OR2C1: variants seen among roughly 807,000 people sequenced by gnomAD.
The protein encoded by OR2C1 is olfactory receptor 2C1.
For missense variants in OR2C1, 468 were observed against 388.3 expected (o/e 1.21, Z -1.73); for synonymous variants, 209 against 167.3 (o/e 1.25, Z -1.92).
the OR2C1 span, among the ~76,000 whole-genome samples, chr16:3,345,597 AT>A: frequency 6.6e-6 from 1 of 152,196 alleles, no homozygotes; most frequent in Admixed American, 6.5e-5. Flanking sequence ...TTGGATGCAC[AT>A]ATATGTATCA....
the OR2C1 span, among the ~76,000 whole-genome samples, chr16:3,347,841 C>G: frequency 2.2e-5 from 1 of 46,146 alleles, no homozygotes; most frequent in Non-Finnish European, 6.1e-5. Context: ...CACACATACA[C>G]ACATGCACAC....
chr16:3,334,325 AC>A, the OR2C1 span, among the ~76,000 whole-genome samples: 2 of 109,530 alleles, frequency 1.8e-5, no homozygotes, highest in African/African-American at 2.8e-5. Context: ...TTTAGTAGAG[AC>A]GGGGTTTCAC....
the OR2C1 span, among the ~76,000 whole-genome samples, chr16:3,350,708 C>G: frequency 8.8e-4 from 133 of 151,868 alleles, no homozygotes; most frequent in Non-Finnish European, 1.2e-3. Flanking sequence ...ACGTGCCCGG[C>G]CCCAAAGGGA....
chr16:3,348,368 G>C, the OR2C1 span, among the ~76,000 whole-genome samples: 3 of 152,168 alleles, frequency 2.0e-5, no homozygotes, highest in Non-Finnish European at 4.4e-5. Context: ...CCAGTTCCTC[G>C]TAAGTATGGA....
upstream of OR2C1, among the ~76,000 whole-genome samples, chr16:3,352,323 G>A (rs948983921): frequency 7.2e-5 from 11 of 151,994 alleles, no homozygotes; most frequent in African/African-American, 1.7e-4. Flanking sequence ...CACTTTGTTC[G>A]CCAGGATGGT....
chr16:3,328,164 T>C, the OR2C1 span, among the ~76,000 whole-genome samples: 1 of 152,136 alleles, frequency 6.6e-6, no homozygotes, highest in East Asian at 1.9e-4. Flanking sequence ...TAACACCCAG[T>C]GTCCTGATAG....
the OR2C1 span, among the ~76,000 whole-genome samples, chr16:3,338,032 T>C: frequency 6.6e-6 from 1 of 152,180 alleles, no homozygotes; most frequent in South Asian, 2.1e-4. Context: ...TTGCCTTGGC[T>C]CTAGTGAATG....
At chr16:3,350,055 CT>C in the OR2C1 span, among the ~76,000 whole-genome samples, 352 of 102,734 alleles carry the variant, frequency 3.4e-3, 2 homozygotes, top group African/African-American at 0.012. Context: ...AAAAGGGAAT[CT>C]TTTTTTTTTT....
chr16:3,336,971 G>A, the OR2C1 span, among the ~76,000 whole-genome samples: 251 of 152,024 alleles, frequency 1.7e-3, no homozygotes, highest in East Asian at 9.2e-3. Context: ...GCCTCCCAAA[G>A]TGCTGGGATT....
the OR2C1 span, among the ~76,000 whole-genome samples, chr16:3,345,871 G>A: frequency 3.2e-4 from 32 of 99,508 alleles, no homozygotes; most frequent in Admixed American, 4.8e-4. Flanking sequence ...TCTCTCTTTC[G>A]CTTTCAGACT....
chr16:3,338,538 CTT>C, the OR2C1 span, among the ~76,000 whole-genome samples: 10 of 103,280 alleles, frequency 9.7e-5, no homozygotes, highest in South Asian at 3.5e-4. Flanking sequence ...GTATAGGTAC[CTT>C]TTTTTTTTTT....
chr16:3,341,004 AT>A, the OR2C1 span, among the ~76,000 whole-genome samples: 63 of 151,812 alleles, frequency 4.1e-4, no homozygotes, highest in African/African-American at 1.5e-3. Context: ...ACCACTGAAA[AT>A]TTTTTTAGGG....
the OR2C1 span, among the ~76,000 whole-genome samples, chr16:3,327,604 A>G: frequency 6.6e-6 from 1 of 150,964 alleles, no homozygotes; most frequent in Admixed American, 6.7e-5. Flanking sequence ...TCCGGAAGGG[A>G]TACTAGATGC....
At chr16:3,329,822 T>G in the OR2C1 span, among the ~76,000 whole-genome samples, 4 of 130,114 alleles carry the variant, frequency 3.1e-5, no homozygotes, top group East Asian at 9.6e-4. Flanking sequence ...TGGCGCAATC[T>G]CAGCTCACTG....
chr16:3,357,788 C>T (rs1310971797), downstream of OR2C1, among the ~76,000 whole-genome samples: 2 of 151,890 alleles, frequency 1.3e-5, no homozygotes, highest in African/African-American at 4.8e-5. Context: ...TCGGGACCAG[C>T]CTGACCAACA....
upstream of OR2C1, among the ~76,000 whole-genome samples, chr16:3,351,520 A>C (rs1401543783): frequency 6.6e-6 from 1 of 152,120 alleles, no homozygotes; most frequent in African/African-American, 2.4e-5. Context: ...TCTCCCTTTA[A>C]CTATTTCCTC....
At chr16:3,350,861 A>G in the OR2C1 span, among the ~76,000 whole-genome samples, 12 of 151,200 alleles carry the variant, frequency 7.9e-5, no homozygotes, top group Non-Finnish European at 4.4e-5. Context: ...AGAGTCCTCA[A>G]GCAGAAAAGG....
chr16:3,352,925 G>T (rs925230120), upstream of OR2C1, among the ~76,000 whole-genome samples: 3 of 151,100 alleles, frequency 2.0e-5, no homozygotes, highest in Admixed American at 6.6e-5. Context: ...TTTATTTTTA[G>T]TAGAGACATG....
chr16:3,323,731 G>A, the OR2C1 span: 3 of 685,206 alleles, frequency 4.4e-6, no homozygotes, highest in South Asian at 4.9e-5. Flanking sequence ...GACACACCTT[G>A]TCACATTTCT....
Sources: allele counts gnomAD v4.1 joint callset (sites outside exome capture counted in the v4.1 genomes callset), GRCh38; gene constraint gnomAD v4.1.1; transcripts MANE v1.5; gene names NCBI Gene and HGNC (gene_info 2026-07-23, HGNC 2026-07-21).